POMP: variants seen among roughly 807,000 people sequenced by gnomAD.
POMP encodes 2510048O06Rik.
Under a neutral mutation model 20.6 loss-of-function variants are expected in POMP, and 12 were observed. The observed-to-expected ratio is 0.58, with a 90% CI of 0.37 to 0.94. The LOEUF (loss-of-function observed/expected upper bound fraction) is 0.94, where lower values mean the gene tolerates loss of function less well. POMP is among the 40% of genes least tolerant of loss of function. POMP has a pLI of 0.01. For missense variants in POMP, 136 were observed against 161.1 expected (o/e 0.84, Z 0.84); for synonymous variants, 53 against 55.0 (o/e 0.96, Z 0.16).
At chr13:28,670,503 G>C (rs1453662204) in intron 4 of POMP, among the ~76,000 whole-genome samples, 3 of 152,082 alleles carry the variant, frequency 2.0e-5, no homozygotes, top group Non-Finnish European at 4.4e-5. Flanking sequence ...ACTCTAATCA[G>C]AATAATCTTT....
intron 3 of POMP, 129 bp from the exon 4 acceptor site, chr13:28,668,344 C>T (rs1418891204): frequency 9.0e-6 from 6 of 669,704 alleles, no homozygotes; most frequent in South Asian, 5.3e-5. Context: ...AGTAAAAATA[C>T]TTAGTTTTTA....
rs1884673423 is a variant in POMP at position 28,678,646 on chromosome 13, G to A, written c.*544G>A. On this transcript the variant is annotated 3_prime_UTR_variant, in exon 6 of 6. Transcript: ENST00000380842. Reference sequence around the variant, plus strand: ...CAGGTTGAAAAGTAGAAGTTCCAAGGTTTTGATTTTGGTCTGGTCTTTAAG... The same window carrying A: ...CAGGTTGAAAAGTAGAAGTTCCAAGATTTTGATTTTGGTCTGGTCTTTAAG... 1 of 153,206 alleles carries A rather than the reference G, an allele frequency of 6.5e-6. No homozygotes were observed. Among genetic ancestry groups the A allele is most frequent in the Admixed American group, 6.5e-5 (1 of 15,416 alleles). The allele number at this position is 153,206 out of a possible 1,614,324, so 9.5% of individuals were successfully genotyped here.
intron 1 of POMP, among the ~76,000 whole-genome samples, chr13:28,660,687 A>T (rs1341904628): frequency 1.3e-5 from 2 of 152,210 alleles, no homozygotes; most frequent in East Asian, 1.9e-4. Flanking sequence ...GACAGTCCAC[A>T]CTAGAGTCCA....
intron 2 of POMP, among the ~76,000 whole-genome samples, chr13:28,663,612 A>G (rs1884387909): frequency 6.6e-6 from 1 of 152,204 alleles, no homozygotes; most frequent in Non-Finnish European, 1.5e-5. Flanking sequence ...GTCTGGCCGT[A>G]ATTTACTCTT....
At chr13:28,663,212 T>G (rs1928498) in intron 2 of POMP, among the ~76,000 whole-genome samples, 6,773 of 152,290 alleles carry the variant, frequency 0.044, 508 homozygotes, top group African/African-American at 0.15. Flanking sequence ...CTTTTCTGCT[T>G]AATAAAATAA....
chr13:28,667,334 T>A (rs1307658927), intron 3 of POMP, among the ~76,000 whole-genome samples: 1 of 152,160 alleles, frequency 6.6e-6, no homozygotes, highest in Non-Finnish European at 1.5e-5. Context: ...GAGGCTGTAG[T>A]GCTCTATAAT....
At position 28,678,111 on chromosome 13, in the gene POMP, TG is replaced by T; in HGVS notation, c.*10del. 16 of 1,612,334 alleles carry T rather than the reference TG, an allele frequency of 9.9e-6. No individual in the cohort carries two copies. The highest frequency in any genetic ancestry group is 1.3e-5 in the Non-Finnish European group (15 of 1,178,372). On this transcript the variant is annotated 3_prime_UTR_variant, in exon 6 of 6. Coordinates refer to ENST00000380842, the MANE Select transcript of POMP (RefSeq NM_015932.6). ...AACTTGGTTTACTGTAATAGTGTGC[TG>T]TTCATGGAAACCGAGGGCTGCATCT...
chr13:28,663,648 C>G (rs1884388493), intron 2 of POMP, among the ~76,000 whole-genome samples: 1 of 152,182 alleles, frequency 6.6e-6, no homozygotes, highest in Admixed American at 6.5e-5. Flanking sequence ...CATTCTAATG[C>G]TGGTGTCTGA....
chr13:28,677,484 T>C (rs1884648244), intron 5 of POMP, among the ~76,000 whole-genome samples: 1 of 152,240 alleles, frequency 6.6e-6, no homozygotes, highest in African/African-American at 2.4e-5. Context: ...AAAAGTTCTT[T>C]TAGGTGTATA....
chr13:28,676,001 C>A (rs1771192), intron 5 of POMP, among the ~76,000 whole-genome samples: 5,714 of 152,138 alleles, frequency 0.038, 373 homozygotes, highest in African/African-American at 0.13. Context: ...GGCCACCTTC[C>A]GCACTGGGAA....
At chr13:28,677,308 CTG>C (rs1472499555) in intron 5 of POMP, among the ~76,000 whole-genome samples, 2 of 151,994 alleles carry the variant, frequency 1.3e-5, no homozygotes, top group Admixed American at 1.3e-4. Flanking sequence ...TTGTACTGAA[CTG>C]TTCCTCTTGG....
chr13:28,675,577 TC>T (rs1192665871), intron 5 of POMP, among the ~76,000 whole-genome samples: 1 of 152,226 alleles, frequency 6.6e-6, no homozygotes, highest in Non-Finnish European at 1.5e-5. Context: ...AATTAGCTGT[TC>T]CTTTCTGCCT....
chr13:28,677,200 C>CT (rs10718165), intron 5 of POMP, among the ~76,000 whole-genome samples: 49 of 144,588 alleles, frequency 3.4e-4, no homozygotes, highest in Middle Eastern at 3.6e-3. Flanking sequence ...AAAATATTGC[C>CT]TTTTTTTTTT....
At chr13:28,669,726 T>G (rs774854612) in intron 4 of POMP, among the ~76,000 whole-genome samples, 1 of 152,186 alleles carries the variant, frequency 6.6e-6, no homozygotes, top group Non-Finnish European at 1.5e-5. Context: ...TTTGCCTGTT[T>G]CCTAAAATGC....
At chr13:28,676,153 C>T (rs1302790104) in intron 5 of POMP, among the ~76,000 whole-genome samples, 1 of 152,120 alleles carries the variant, frequency 6.6e-6, no homozygotes, top group Non-Finnish European at 1.5e-5. Context: ...TACAGGCGCC[C>T]ACCACCACGC....
chr13:28,665,333 G>A (rs117001429), intron 3 of POMP, among the ~76,000 whole-genome samples: 3,066 of 152,224 alleles, frequency 0.02, 47 homozygotes, highest in Non-Finnish European at 0.032. Flanking sequence ...TGTTTGTTTC[G>A]CTTTCTAATA....
chr13:28,676,930 A>G (rs1453457999), intron 5 of POMP, among the ~76,000 whole-genome samples: 3 of 152,210 alleles, frequency 2.0e-5, no homozygotes, highest in East Asian at 1.9e-4. Flanking sequence ...CCTTGCTTAC[A>G]TGATATGCTG....
At chr13:28,659,314 C>T in intron 1 of POMP, 127 bp downstream of exon 1, 1 of 1,451,098 alleles carries the variant, frequency 6.9e-7, no homozygotes, top group Non-Finnish European at 9.3e-7. Flanking sequence ...TGAGGCCGGC[C>T]TCAGGCGCCA....
At chr13:28,660,096 T>G (rs1884307639) in intron 1 of POMP, among the ~76,000 whole-genome samples, 2 of 152,178 alleles carry the variant, frequency 1.3e-5, no homozygotes, top group Non-Finnish European at 2.9e-5. Flanking sequence ...AATCCAGAAG[T>G]CAGAATTCAC....
Sources: allele counts gnomAD v4.1 joint callset (sites outside exome capture counted in the v4.1 genomes callset), GRCh38; gene constraint gnomAD v4.1.1; transcripts MANE v1.5; gene names NCBI Gene and HGNC (gene_info 2026-07-23, HGNC 2026-07-21).